The following NEGR1 variants were observed in gnomAD, a reference collection of about 807,000 sequenced individuals.
The protein encoded by NEGR1 is IgLON family member 4.
Under a neutral mutation model 40.9 loss-of-function variants are expected in NEGR1, and 10 were observed. The ratio of observed to expected loss-of-function variants is 0.24; its 90% CI spans 0.15 to 0.42. The LOEUF is 0.42. NEGR1 is among the 10% of genes least tolerant of loss of function. The probability of loss-of-function intolerance (pLI) is 1.00; values close to 1 mark genes in which losing one functional copy is unlikely to be tolerated. For synonymous variants in NEGR1, 185 were observed against 166.8 expected (o/e 1.11, Z -0.84); for missense variants, 352 against 438.9 (o/e 0.80, Z 1.77).
In NEGR1 at chr1:71,692,853, C is replaced by A. The variant is rs1470293213; in HGVS notation, c.667+5155G>T. Among the ~76,000 whole-genome samples the A allele has an allele frequency of 2.0e-5, 3 of 151,804 alleles. No homozygotes were observed. In the East Asian group the frequency reaches 5.8e-4, roughly 29 times the overall value. On this transcript the variant is annotated intron_variant, in intron 4 of 6. Transcript: ENST00000357731. Reference sequence around the variant, plus strand: ...TACTTCACAGCACACCCAAAAATGACTTTCCTATTTATTTGATCATAGGAA... The same window carrying A: ...TACTTCACAGCACACCCAAAAATGAATTTCCTATTTATTTGATCATAGGAA...
chr1:72,267,517 T>A (rs1278230581), intron 1 of NEGR1, among the ~76,000 whole-genome samples: 1 of 151,244 alleles, frequency 6.6e-6, no homozygotes, highest in African/African-American at 2.4e-5. Context: ...TAGTTATATG[T>A]ATCAAATATT....
chr1:71,654,418 C>A (rs1213438517), intron 4 of NEGR1, among the ~76,000 whole-genome samples: 1 of 152,020 alleles, frequency 6.6e-6, no homozygotes, highest in Non-Finnish European at 1.5e-5. Flanking sequence ...ATACCGAAAG[C>A]TAGGGGTTGG....
chr1:72,086,477 T>C (rs1648225655), intron 1 of NEGR1, among the ~76,000 whole-genome samples: 1 of 152,232 alleles, frequency 6.6e-6, no homozygotes, highest in African/African-American at 2.4e-5. Flanking sequence ...ACCTGATTCT[T>C]TTCTAGATTA....
intron 2 of NEGR1, among the ~76,000 whole-genome samples, chr1:71,854,702 C>A (rs1216816791): frequency 6.6e-6 from 1 of 152,002 alleles, no homozygotes; most frequent in Non-Finnish European, 1.5e-5. Flanking sequence ...ACCTTCTTCA[C>A]AAGGCAGTAG....
rs138214410 is a variant in NEGR1 at position 72,153,736 on chromosome 1, A to G, written c.176+128583T>C. 1.2e-4 allele frequency among the ~76,000 whole-genome samples: 19 copies of G among 152,086 alleles called. No homozygotes were observed. In the East Asian group the frequency reaches 2.9e-3, roughly 23 times the overall value. On this transcript the variant is annotated intron_variant, in intron 1 of 6. Coordinates refer to ENST00000357731, the MANE Select transcript of NEGR1 (RefSeq NM_173808.3). ...AATCAGACCTAAAAACAGAACCTGGATGAATAATAGCTTTTAAAAGATAAG... is the reference window on the plus strand; with the variant it reads ...AATCAGACCTAAAAACAGAACCTGGGTGAATAATAGCTTTTAAAAGATAAG...
intron 2 of NEGR1, among the ~76,000 whole-genome samples, chr1:71,848,736 C>A (rs2101810155): frequency 6.6e-6 from 1 of 152,282 alleles, no homozygotes; most frequent in East Asian, 1.9e-4. Flanking sequence ...ACGAAACATC[C>A]TTTTTGTAGC....
intron 1 of NEGR1, among the ~76,000 whole-genome samples, chr1:72,000,828 A>G (rs1321808892): frequency 6.6e-6 from 1 of 152,110 alleles, no homozygotes; most frequent in Admixed American, 6.6e-5. Flanking sequence ...GTCAAAATGA[A>G]AGAGGAAAGA....
intron 1 of NEGR1, among the ~76,000 whole-genome samples, chr1:72,082,596 C>A (rs1355878546): frequency 6.6e-6 from 1 of 151,600 alleles, no homozygotes; most frequent in Non-Finnish European, 1.5e-5. Context: ...GTTTCTTCAG[C>A]AAAACTTTTC....
At chr1:72,077,482 G>C (rs1647792312) in intron 1 of NEGR1, among the ~76,000 whole-genome samples, 2 of 151,942 alleles carry the variant, frequency 1.3e-5, no homozygotes, top group African/African-American at 4.8e-5. Context: ...CTGACTTACT[G>C]AATAATTACT....
At position 72,078,931 on chromosome 1, in the gene NEGR1, C is replaced by T. The variant is rs962437668; in HGVS notation, c.177-143620G>A. On this transcript the variant is annotated intron_variant, in intron 1 of 6. Coordinates refer to ENST00000357731, the MANE Select transcript of NEGR1 (RefSeq NM_173808.3). ...CTGGGATTACAGGCATGAGCCACTG[C>T]GCCCAGCCTATTTATTGATATTTTA... 1.1e-4 allele frequency among the ~76,000 whole-genome samples: 16 copies of T among 151,316 alleles called. No homozygotes were observed. The South Asian group carries it at 2.5e-3, about 24-fold the overall frequency.
At chr1:71,666,164 T>A (rs578228935) in intron 4 of NEGR1, among the ~76,000 whole-genome samples, 1 of 152,324 alleles carries the variant, frequency 6.6e-6, no homozygotes, top group Non-Finnish European at 1.5e-5. Flanking sequence ...TTCTAAAACT[T>A]ACCATCACTC....
rs574260830 is a variant in NEGR1 at position 71,698,504 on chromosome 1, T to C, written c.536-365A>G. On this transcript the variant is annotated intron_variant, in intron 3 of 6. Coordinates refer to ENST00000357731, the MANE Select transcript of NEGR1 (RefSeq NM_173808.3). ...ATATGACTTGGTACATATTGACTTC[T>C]CTACTGTGTGAGCTAGAAACTTGAC... 3.3e-5 allele frequency among the ~76,000 whole-genome samples: 5 copies of C among 152,032 alleles called. 1 individual carries two copies. The highest frequency in any genetic ancestry group is 3.3e-4 in the Admixed American group (5 of 15,230).
At chr1:71,864,953 T>G (rs1262562091) in intron 2 of NEGR1, among the ~76,000 whole-genome samples, 1 of 152,142 alleles carries the variant, frequency 6.6e-6, no homozygotes, top group Non-Finnish European at 1.5e-5. Context: ...AGAAAGGGAA[T>G]GTATAGGCTA....
intron 2 of NEGR1, among the ~76,000 whole-genome samples, chr1:71,858,852 A>C (rs2101820765): frequency 6.6e-6 from 1 of 152,122 alleles, no homozygotes; most frequent in South Asian, 2.1e-4. Flanking sequence ...CTATATTATT[A>C]TTTTTGTGGT....
intron 4 of NEGR1, among the ~76,000 whole-genome samples, chr1:71,680,891 G>T (rs1468201720): frequency 1.3e-5 from 2 of 152,156 alleles, no homozygotes; most frequent in African/African-American, 4.8e-5. Context: ...TTATGTTTTA[G>T]GAGTGTCATA....
At chr1:71,474,552 A>G (rs2101361867) in intron 6 of NEGR1, among the ~76,000 whole-genome samples, 1 of 150,106 alleles carries the variant, frequency 6.7e-6, no homozygotes, top group African/African-American at 2.5e-5. Context: ...ACACACACAC[A>G]CACACACAAT....
intron 1 of NEGR1, among the ~76,000 whole-genome samples, chr1:71,965,869 GA>G (rs1186841544): frequency 1.3e-5 from 2 of 151,802 alleles, no homozygotes; most frequent in African/African-American, 4.8e-5. Context: ...AGTAGAAAAA[GA>G]AAAAAATCAT....
intron 2 of NEGR1, among the ~76,000 whole-genome samples, chr1:71,882,232 T>C (rs1660602044): frequency 6.6e-6 from 1 of 152,092 alleles, no homozygotes; most frequent in Admixed American, 6.6e-5. Context: ...TTTGCTCCAT[T>C]CCATTTAATT....
intron 2 of NEGR1, among the ~76,000 whole-genome samples, chr1:71,858,259 T>C (rs948646196): frequency 7.0e-6 from 1 of 141,954 alleles, no homozygotes; most frequent in Non-Finnish European, 1.6e-5. Flanking sequence ...ATTTTTGTTC[T>C]TCTTTTTAAA....
Sources: allele counts gnomAD v4.1 joint callset (sites outside exome capture counted in the v4.1 genomes callset), GRCh38; gene constraint gnomAD v4.1.1; transcripts MANE v1.5; gene names NCBI Gene and HGNC (gene_info 2026-07-23, HGNC 2026-07-21).